LRRC74A: variants seen among roughly 807,000 people sequenced by gnomAD.
LRRC74A encodes the protein leucine rich repeat containing 74A.
A neutral mutation model predicts 57.9 loss-of-function variants in LRRC74A; 44 were observed. That is an observed-to-expected ratio of 0.76 (90% CI 0.60 to 0.98). The LOEUF (loss-of-function observed/expected upper bound fraction) is 0.98, where lower values mean the gene tolerates loss of function less well. LRRC74A is among the 50% of genes least tolerant of loss of function. The pLI, the probability that LRRC74A is intolerant of heterozygous loss-of-function variation, is 0.00. For synonymous variants in LRRC74A, 211 were observed against 219.4 expected (o/e 0.96, Z 0.34); for missense variants, 572 against 574.0 (o/e 1.00, Z 0.04).
In LRRC74A at chr14:76,836,218, TG is replaced by T. The variant is rs1173478764; in HGVS notation, c.352del (p.Val118LeufsTer17). On this transcript the variant is annotated frameshift_variant, in exon 4 of 14. Coordinates refer to ENST00000689127, the MANE Select transcript of LRRC74A (RefSeq NM_001385106.1). LOFTEE classifies it high-confidence loss of function. Reference protein sequence around the residue: ...IAIALVSNMAVTKLELEDNCI... With the variant: ...IAIALVSNMAXTKLELEDNCI... ...TGTGCTGGCTGAAGTCCAACATGGC[TG>T]TTACCAAACTGGAGCTGGAAGACAA... 6.2e-7 allele frequency: 1 copy of T among 1,613,548 alleles called. No individual in the cohort carries two copies. Among genetic ancestry groups the T allele is most frequent in the Non-Finnish European group, 8.5e-7 (1 of 1,179,580 alleles).
chr14:76,857,532 C>T, intron 10 of LRRC74A, 57 bp downstream of exon 10: 1 of 1,264,640 alleles, frequency 7.9e-7, no homozygotes, highest in Non-Finnish European at 1.1e-6. Flanking sequence ...ACCCTGTCCA[C>T]TCTATACTCT....
chr14:76,860,002 A>G (rs909000253), intron 10 of LRRC74A, among the ~76,000 whole-genome samples: 6 of 152,066 alleles, frequency 3.9e-5, no homozygotes, highest in Non-Finnish European at 2.9e-5. Flanking sequence ...CCTTTTGTCA[A>G]CAATGCCTCC....
intron 10 of LRRC74A, among the ~76,000 whole-genome samples, 161 bp downstream of exon 10, chr14:76,857,636 C>T (rs969551790): frequency 1.3e-5 from 2 of 151,238 alleles, no homozygotes; most frequent in African/African-American, 2.4e-5. Flanking sequence ...CTGCCCTCTC[C>T]AGGGATCCTT....
At chr14:76,841,716 CTTT>C (rs55941029) in intron 5 of LRRC74A, among the ~76,000 whole-genome samples, 81,258 of 136,366 alleles carry the variant, frequency 0.6, 24,289 homozygotes, top group East Asian at 0.86. Flanking sequence ...TTTTCTTTTT[CTTT>C]TTTTTTTTTT....
chr14:76,842,554 A>G (rs1337595945), intron 5 of LRRC74A, among the ~76,000 whole-genome samples: 1 of 152,252 alleles, frequency 6.6e-6, no homozygotes, highest in African/African-American at 2.4e-5. Context: ...AAACACAAGA[A>G]TTTGAATAAC....
intron 2 of LRRC74A, chr14:76,829,021 C>T (rs1485298229): frequency 7.0e-6 from 9 of 1,289,166 alleles, no homozygotes; most frequent in African/African-American, 3.0e-5. Flanking sequence ...GCCTGGGTAT[C>T]GGGACTGGCT....
At chr14:76,847,234 G>A (rs1015093659) in intron 7 of LRRC74A, among the ~76,000 whole-genome samples, 2 of 152,190 alleles carry the variant, frequency 1.3e-5, no homozygotes, top group Admixed American at 1.3e-4. Context: ...TGGAGTGTTA[G>A]TGGCTTTGAA....
intron 3 of LRRC74A, among the ~76,000 whole-genome samples, chr14:76,832,351 A>G (rs1472816427): frequency 1.3e-5 from 2 of 152,216 alleles, no homozygotes; most frequent in Non-Finnish European, 2.9e-5. Flanking sequence ...TCTGTTGTCC[A>G]GTCTGGAATG....
chr14:76,833,046 C>A (rs1013805779), intron 3 of LRRC74A, among the ~76,000 whole-genome samples: 1 of 152,038 alleles, frequency 6.6e-6, no homozygotes, highest in Non-Finnish European at 1.5e-5. Flanking sequence ...AGAAATAATT[C>A]TTTAAAAATA....
intron 9 of LRRC74A, among the ~76,000 whole-genome samples, chr14:76,855,685 C>T (rs1481139811): frequency 6.6e-6 from 1 of 152,156 alleles, no homozygotes; most frequent in Non-Finnish European, 1.5e-5. Flanking sequence ...AGATGCTGAG[C>T]TCCACGAGGT....
chr14:76,832,457 A>G (rs1896036545), intron 3 of LRRC74A, among the ~76,000 whole-genome samples: 1 of 152,162 alleles, frequency 6.6e-6, no homozygotes, highest in Non-Finnish European at 1.5e-5. Flanking sequence ...ACAGGTATTC[A>G]CTATTGCACC....
chr14:76,830,169 C>A (rs1448773099), intron 2 of LRRC74A, among the ~76,000 whole-genome samples: 1 of 152,224 alleles, frequency 6.6e-6, no homozygotes, highest in Non-Finnish European at 1.5e-5. Context: ...GTTGTGCTTG[C>A]AAAATCAGCT....
Position 76,840,608 on chromosome 14 carries a change from G to A in LRRC74A, c.544+2637G>A, listed in dbSNP as rs564960095. On this transcript the variant is annotated intron_variant, in intron 5 of 13. Coordinates refer to ENST00000689127, the MANE Select transcript of LRRC74A (RefSeq NM_001385106.1). ...TCTTTTTTTTTTTTTTTTTTGAGAC[G>A]GAGTCTCACTGTCACCCAGGCTGGA... 9.7e-4 allele frequency among the ~76,000 whole-genome samples: 130 copies of A among 134,498 alleles called. No individual in the cohort carries two copies. The East Asian group carries it at 0.023, about 24-fold the overall frequency. 88.2% of individuals were successfully genotyped at this position (134,498 alleles called of 152,430 possible). A position where few individuals can be genotyped will look rare whatever the true frequency, so the allele number is the denominator to read the frequency against.
At chr14:76,827,613 T>A (rs1475598276) in intron 1 of LRRC74A, among the ~76,000 whole-genome samples, 1 of 152,062 alleles carries the variant, frequency 6.6e-6, no homozygotes, top group Non-Finnish European at 1.5e-5. Flanking sequence ...AGAGGACTGG[T>A]GTGAGGGGAG....
intron 5 of LRRC74A, among the ~76,000 whole-genome samples, chr14:76,840,676 G>A (rs34632562): frequency 0.076 from 11,180 of 146,240 alleles, 496 homozygotes; most frequent in Non-Finnish European, 0.095. Context: ...TCTGCCCCCC[G>A]GGGTTCACAC....
chr14:76,829,128 T>C (rs1392153372), intron 2 of LRRC74A: 1 of 1,289,402 alleles, frequency 7.8e-7, no homozygotes. Flanking sequence ...AGAACACTTG[T>C]GAAGCAAGAG....
At chr14:76,853,517 G>C in intron 9 of LRRC74A, 107 bp downstream of exon 9, 1 of 1,067,270 alleles carries the variant, frequency 9.4e-7, no homozygotes, top group Non-Finnish European at 1.3e-6. Flanking sequence ...AGAATAATTG[G>C]GAATATCTGT....
chr14:76,853,870 G>A (rs967487251), intron 9 of LRRC74A, among the ~76,000 whole-genome samples: 2 of 151,934 alleles, frequency 1.3e-5, no homozygotes, highest in South Asian at 2.1e-4. Context: ...CTCCCACCTC[G>A]GCCTCCGAAA....
At chr14:76,870,023 T>C (rs534702570) in intron 13 of LRRC74A, 102 bp from the exon 14 acceptor site, 3 of 1,315,982 alleles carry the variant, frequency 2.3e-6, no homozygotes, top group South Asian at 2.5e-5. Context: ...GAGATGGGTT[T>C]ACAAATGGTC....
Sources: allele counts gnomAD v4.1 joint callset (sites outside exome capture counted in the v4.1 genomes callset), GRCh38; gene constraint gnomAD v4.1.1; transcripts MANE v1.5; gene names NCBI Gene and HGNC (gene_info 2026-07-23, HGNC 2026-07-21).